Variants in PTPN2 observed in about 807,000 individuals in gnomAD.
The protein encoded by PTPN2 is tyrosine-protein phosphatase non-receptor type 2.
Under a neutral mutation model 57.3 loss-of-function variants are expected in PTPN2, and 19 were observed. The observed-to-expected ratio is 0.33, with a 90% CI of 0.23 to 0.49. The LOEUF (loss-of-function observed/expected upper bound fraction) is 0.49, where lower values mean the gene tolerates loss of function less well. PTPN2 is among the 20% of genes least tolerant of loss of function. PTPN2 has a pLI of 0.99. For synonymous variants in PTPN2, 153 were observed against 164.9 expected, an observed-to-expected ratio of 0.93 and a Z score of 0.55; for missense variants, 358 against 501.1, an observed-to-expected ratio of 0.71 and a Z score of 2.73.
intron 6 of PTPN2, among the ~76,000 whole-genome samples, chr18:12,816,042 A>T (rs1277358850): frequency 6.6e-6 from 1 of 152,180 alleles, no homozygotes; most frequent in Non-Finnish European, 1.5e-5. Flanking sequence ...GGTGGCTCAA[A>T]CCTGTAATCC....
At chr18:12,850,841 G>A (rs1205709197) in intron 2 of PTPN2, among the ~76,000 whole-genome samples, 1 of 151,940 alleles carries the variant, frequency 6.6e-6, no homozygotes, top group Non-Finnish European at 1.5e-5. Context: ...CCGGATTCAA[G>A]CAATTCTCCT....
At chr18:12,794,705 T>G (rs894938966) in intron 8 of PTPN2, among the ~76,000 whole-genome samples, 2 of 152,204 alleles carry the variant, frequency 1.3e-5, no homozygotes, top group Non-Finnish European at 2.9e-5. Context: ...CACTGCAACC[T>G]CTGCCTCCCA....
Position 12,831,023 on chromosome 18 carries a change from A to G in PTPN2, c.280T>C (p.Cys94Arg). 1 of 1,608,100 alleles carries G rather than the reference A, an allele frequency of 6.2e-7. No homozygotes were observed. ...CAAACCATAAGCCAGAAATGGCAGC[A>G]TGTGTTAGGAAGTGGACCCTGTGAA... ...ILTQGPLPNT[C>R]CHFWLMVWQQ... The change falls in exon 4 of 9, where the codon TGC (cysteine) becomes CGC (arginine). Residue 94 changes from cysteine (C) to arginine (R), a missense_variant. Transcript: ENST00000309660.
chr18:12,882,699 T>A (rs545556670), intron 1 of PTPN2, among the ~76,000 whole-genome samples: 4 of 152,242 alleles, frequency 2.6e-5, no homozygotes, highest in Non-Finnish European at 5.9e-5. Flanking sequence ...CTTAGATCCC[T>A]ATTCTAACAT....
exon 10 of PTPN2, chr18:12,785,624 A>G (rs554063497): frequency 4.7e-6 from 3 of 635,306 alleles, no homozygotes; most frequent in East Asian, 5.5e-5. Context: ...AACACATCCA[A>G]TTAAAGGTTC....
chr18:12,800,686 C>T (rs1236620913), intron 8 of PTPN2, among the ~76,000 whole-genome samples: 3 of 152,004 alleles, frequency 2.0e-5, no homozygotes, highest in Non-Finnish European at 4.4e-5. Flanking sequence ...TGGCAGACTT[C>T]GACTATTTTC....
intron 1 of PTPN2, among the ~76,000 whole-genome samples, chr18:12,878,191 T>G (rs1409151742): frequency 6.6e-6 from 1 of 150,412 alleles, no homozygotes; most frequent in Non-Finnish European, 1.5e-5. Context: ...ACAAAAAAAT[T>G]AGCCAGGCCC....
At chr18:12,835,834 G>T (rs1313078199) in intron 3 of PTPN2, among the ~76,000 whole-genome samples, 3 of 152,096 alleles carry the variant, frequency 2.0e-5, no homozygotes, top group Non-Finnish European at 2.9e-5. Flanking sequence ...TTCTTCATGT[G>T]CAAAGTGTCC....
intron 8 of PTPN2, among the ~76,000 whole-genome samples, chr18:12,796,006 T>C (rs2041167080): frequency 6.6e-6 from 1 of 151,762 alleles, no homozygotes; most frequent in Non-Finnish European, 1.5e-5. Context: ...GCCTCTTCAA[T>C]GTCTCCTACA....
At chr18:12,843,895 C>T (rs1308921314) in intron 2 of PTPN2, 2 of 152,416 alleles carry the variant, frequency 1.3e-5, no homozygotes, top group African/African-American at 4.8e-5. Flanking sequence ...ATGACCAAAA[C>T]AACACATACC....
intron 2 of PTPN2, chr18:12,840,636 AG>A: frequency 6.7e-7 from 1 of 1,494,408 alleles, no homozygotes; most frequent in Non-Finnish European, 9.1e-7. Flanking sequence ...ACTGTCACTC[AG>A]GGAAGTCAAG....
chr18:12,856,638 C>A (rs1465549799), intron 2 of PTPN2, among the ~76,000 whole-genome samples: 1 of 152,202 alleles, frequency 6.6e-6, no homozygotes, highest in African/African-American at 2.4e-5. Flanking sequence ...CAGCCTTCAA[C>A]TGCAGGTATA....
intron 6 of PTPN2, among the ~76,000 whole-genome samples, chr18:12,814,641 G>A (rs1026010433): frequency 3.3e-5 from 5 of 151,994 alleles, no homozygotes; most frequent in African/African-American, 7.3e-5. Flanking sequence ...CCAGTCATTG[G>A]TTAAAGGAAG....
At chr18:12,817,957 A>G (rs994538143) in intron 5 of PTPN2, among the ~76,000 whole-genome samples, 3 of 152,196 alleles carry the variant, frequency 2.0e-5, no homozygotes, top group African/African-American at 7.2e-5. Flanking sequence ...CCTGGCCAAC[A>G]TGGTGAAACC....
intron 5 of PTPN2, among the ~76,000 whole-genome samples, chr18:12,821,938 G>C (rs10468685): frequency 0.022 from 3,397 of 151,798 alleles, 124 homozygotes; most frequent in African/African-American, 0.079. Flanking sequence ...GTGTAATGGC[G>C]GGGGGGTACC....
intron 7 of PTPN2, among the ~76,000 whole-genome samples, chr18:12,807,566 T>TGGG (rs1417091671): frequency 5.7e-5 from 1 of 17,436 alleles, no homozygotes; most frequent in African/African-American, 1.3e-4. Context: ...AAAGAAAATG[T>TGGG]GGAAAAAAAA....
At chr18:12,873,917 A>G (rs2044368490) in intron 1 of PTPN2, among the ~76,000 whole-genome samples, 1 of 147,582 alleles carries the variant, frequency 6.8e-6, no homozygotes, top group Non-Finnish European at 1.5e-5. Context: ...CTGGGATGTG[A>G]GGAGCGCCTC....
At chr18:12,881,461 T>C (rs1163283875) in intron 1 of PTPN2, among the ~76,000 whole-genome samples, 2 of 152,076 alleles carry the variant, frequency 1.3e-5, no homozygotes, top group Non-Finnish European at 2.9e-5. Context: ...AATATGATCA[T>C]GGTATTTCCA....
chr18:12,786,139 G>C (rs1209714939), intron 9 of PTPN2: 4 of 416,520 alleles, frequency 9.6e-6, no homozygotes, highest in Admixed American at 4.6e-5. Flanking sequence ...TTTTACTCAA[G>C]AAGTGACCTC....
Sources: gnomAD v4.1 joint callset for allele counts (sites outside exome capture counted in the v4.1 genomes callset) on GRCh38, gnomAD v4.1.1 for gene constraint, MANE v1.5 for transcripts, NCBI Gene and HGNC (gene_info 2026-07-23, HGNC 2026-07-21) for gene names.